The following GNB4 variants were observed in gnomAD, a reference collection of about 807,000 sequenced individuals.
The protein encoded by GNB4 is G protein subunit beta 4, also known as guanine nucleotide-binding protein subunit beta-4.
In GNB4, 28 loss-of-function variants were observed where a neutral mutation model predicts 45.2. The observed-to-expected ratio is 0.62, with a 90% CI of 0.46 to 0.85. GNB4 has a LOEUF of 0.85. Among genes scored for constraint, GNB4 ranks in the 40% least tolerant of loss-of-function variants. The pLI, the probability that GNB4 is intolerant of heterozygous loss-of-function variation, is 0.00. For missense variants in GNB4, 321 were observed against 425.4 expected (o/e 0.75, Z 2.16); for synonymous variants, 132 against 143.7 (o/e 0.92, Z 0.58).
chr3:179,429,222 A>G (rs888846198), intron 1 of GNB4, among the ~76,000 whole-genome samples: 3 of 152,214 alleles, frequency 2.0e-5, no homozygotes, highest in Admixed American at 6.5e-5. Flanking sequence ...AATGGCTTCT[A>G]TTTACTGTAA....
chr3:179,499,000 A>G, the GNB4 span, among the ~76,000 whole-genome samples: 1 of 151,790 alleles, frequency 6.6e-6, no homozygotes, highest in Non-Finnish European at 1.5e-5. Flanking sequence ...CCCGCTTATC[A>G]GTGAGAATAT....
chr3:179,453,946 A>C (rs1434864217), upstream of GNB4, among the ~76,000 whole-genome samples: 2 of 152,342 alleles, frequency 1.3e-5, no homozygotes, highest in East Asian at 3.9e-4. Flanking sequence ...GAATGATTTC[A>C]TAAGAGCACA....
chr3:179,429,341 C>T (rs953102571), intron 1 of GNB4, among the ~76,000 whole-genome samples: 1 of 152,128 alleles, frequency 6.6e-6, no homozygotes, highest in Non-Finnish European at 1.5e-5. Flanking sequence ...TGGGGAACAC[C>T]GGGAATCAAC....
the GNB4 span, chr3:179,464,614 G>A: frequency 7.8e-7 from 1 of 1,278,626 alleles, no homozygotes; most frequent in Admixed American, 1.7e-5. Flanking sequence ...AACAAAACCA[G>A]GGCAGCTGCA....
the GNB4 span, among the ~76,000 whole-genome samples, chr3:179,494,907 C>CAAAA: frequency 1.2e-4 from 4 of 33,980 alleles, no homozygotes; most frequent in African/African-American, 2.4e-4. Flanking sequence ...GACTCTGTCT[C>CAAAA]AAAAAAAAAA....
chr3:179,465,119 C>A, the GNB4 span: 1 of 1,349,866 alleles, frequency 7.4e-7, no homozygotes, highest in Non-Finnish European at 1.1e-6. Context: ...TATTCCAAAT[C>A]TGATCACAGC....
chr3:179,441,352 C>T (rs890622031), intron 1 of GNB4, among the ~76,000 whole-genome samples: 3 of 152,312 alleles, frequency 2.0e-5, no homozygotes, highest in African/African-American at 4.8e-5. Flanking sequence ...GCTACTAACC[C>T]GTACTGCATA....
intron 5 of GNB4, among the ~76,000 whole-genome samples, chr3:179,416,232 T>C (rs1027587658): frequency 2.0e-5 from 3 of 152,168 alleles, no homozygotes; most frequent in Non-Finnish European, 2.9e-5. Flanking sequence ...AAATCATTTA[T>C]TAGTATATGT....
At chr3:179,480,853 T>C in the GNB4 span, among the ~76,000 whole-genome samples, 1,026 of 144,640 alleles carry the variant, frequency 7.1e-3, 5 homozygotes, top group Middle Eastern at 0.014. Flanking sequence ...TTTTTTTTTT[T>C]CTTTTTTTTT....
At chr3:179,513,685 C>T in the GNB4 span, among the ~76,000 whole-genome samples, 1 of 152,016 alleles carries the variant, frequency 6.6e-6, no homozygotes, top group Non-Finnish European at 1.5e-5. Context: ...AATAGCCATG[C>T]TTCATAACAT....
intron 6 of GNB4, 95 bp from the exon 7 acceptor site, chr3:179,413,876 C>T: frequency 2.2e-6 from 2 of 892,358 alleles, no homozygotes; most frequent in Non-Finnish European, 3.5e-6. Flanking sequence ...AAATAGAATA[C>T]TTGGGCAACA....
At chr3:179,504,172 T>A in the GNB4 span, among the ~76,000 whole-genome samples, 10 of 152,230 alleles carry the variant, frequency 6.6e-5, no homozygotes, top group African/African-American at 9.6e-5. Flanking sequence ...CTGCTTTTTT[T>A]AAAAAATGGA....
At chr3:179,422,576 A>T (rs951449185) in intron 2 of GNB4, among the ~76,000 whole-genome samples, 2 of 152,180 alleles carry the variant, frequency 1.3e-5, no homozygotes, top group African/African-American at 4.8e-5. Flanking sequence ...ATCTGGTAAG[A>T]TATTTGTGCA....
the GNB4 span, among the ~76,000 whole-genome samples, chr3:179,508,443 A>G: frequency 1.3e-5 from 2 of 152,240 alleles, no homozygotes; most frequent in African/African-American, 4.8e-5. Flanking sequence ...CAAGCGCTGT[A>G]CAAGATGCTG....
intron 2 of GNB4, among the ~76,000 whole-genome samples, chr3:179,422,184 G>T (rs556767097): frequency 1.3e-5 from 2 of 152,030 alleles, no homozygotes; most frequent in Non-Finnish European, 2.9e-5. Context: ...ATTGAACTAC[G>T]CTGAAAATTG....
At chr3:179,471,190 A>G in the GNB4 span, among the ~76,000 whole-genome samples, 5 of 152,140 alleles carry the variant, frequency 3.3e-5, no homozygotes, top group East Asian at 9.7e-4. Flanking sequence ...AAAAAAAAAA[A>G]AAAAAAGTAT....
At chr3:179,421,986 T>C (rs1254398871) in intron 2 of GNB4, among the ~76,000 whole-genome samples, 3 of 152,198 alleles carry the variant, frequency 2.0e-5, no homozygotes, top group Non-Finnish European at 4.4e-5. Flanking sequence ...TTCTTTGACT[T>C]CAAGCTTTAT....
chr3:179,499,313 A>G, the GNB4 span, among the ~76,000 whole-genome samples: 50 of 152,066 alleles, frequency 3.3e-4, no homozygotes, highest in Non-Finnish European at 6.2e-4. Flanking sequence ...GCCTGCCACC[A>G]TGCCAGGCTA....
At chr3:179,511,302 G>C in the GNB4 span, among the ~76,000 whole-genome samples, 1 of 152,184 alleles carries the variant, frequency 6.6e-6, no homozygotes, top group Non-Finnish European at 1.5e-5. Flanking sequence ...CACCATGTGT[G>C]TTTTGTTCAT....
Sources: allele counts gnomAD v4.1 joint callset (sites outside exome capture counted in the v4.1 genomes callset), GRCh38; gene constraint gnomAD v4.1.1; transcripts MANE v1.5; gene names NCBI Gene and HGNC (gene_info 2026-07-23, HGNC 2026-07-21).